Variants in AFF3 observed in about 807,000 individuals in gnomAD.
AFF3 encodes the protein AF4/FMR2 family member 3.
AFF3 carries 32 observed loss-of-function variants against 129.7 expected under a neutral mutation model. The observed-to-expected ratio is 0.25, with a 90% CI of 0.19 to 0.33. The LOEUF is 0.33. Ranked by LOEUF, AFF3 falls within the 10% of genes least tolerant of loss-of-function variation. The pLI, the probability that AFF3 is intolerant of heterozygous loss-of-function variation, is 1.00. For synonymous variants in AFF3, 644 were observed against 635.4 expected (o/e 1.01, Z -0.20); for missense variants, 1,373 against 1,592.0 (o/e 0.86, Z 2.34).
At chr2:99,975,272 A>G (rs1197722474) in intron 7 of AFF3, among the ~76,000 whole-genome samples, 1 of 152,184 alleles carries the variant, frequency 6.6e-6, no homozygotes, top group Non-Finnish European at 1.5e-5. Context: ...TTTTAACCCT[A>G]ATGAATTGGG....
chr2:99,791,952 G>A (rs1461992988), intron 8 of AFF3, among the ~76,000 whole-genome samples: 1 of 151,840 alleles, frequency 6.6e-6, no homozygotes, highest in African/African-American at 2.4e-5. Flanking sequence ...CATCAGATAT[G>A]CTTCATTTGG....
intron 7 of AFF3, among the ~76,000 whole-genome samples, chr2:99,868,664 C>T (rs549459904): frequency 7.2e-5 from 11 of 152,136 alleles, no homozygotes; most frequent in African/African-American, 2.2e-4. Flanking sequence ...CATCTATGAT[C>T]CTCTGAACAA....
intron 7 of AFF3, among the ~76,000 whole-genome samples, chr2:100,004,448 TA>T (rs1267895339): frequency 6.6e-6 from 1 of 152,196 alleles, no homozygotes; most frequent in Non-Finnish European, 1.5e-5. Context: ...TTGTGAATTT[TA>T]TTTTTTTATT....
intron 7 of AFF3, among the ~76,000 whole-genome samples, chr2:99,926,166 T>C (rs1696223514): frequency 6.6e-6 from 1 of 152,308 alleles, no homozygotes; most frequent in East Asian, 1.9e-4. Context: ...CATAAACCAA[T>C]GAGTACGATA....
At chr2:100,017,786 T>C (rs1203447229) in intron 4 of AFF3, among the ~76,000 whole-genome samples, 1 of 152,196 alleles carries the variant, frequency 6.6e-6, no homozygotes. Context: ...CCAAGTCCCA[T>C]AACCAGTAAG....
chr2:100,111,826 GTCTC>G (rs1021278355), intron 2 of AFF3, among the ~76,000 whole-genome samples: 3 of 152,210 alleles, frequency 2.0e-5, no homozygotes, highest in African/African-American at 7.2e-5. Context: ...AAGCCATCAA[GTCTC>G]TCTCTAGCTA....
At chr2:99,635,921 C>CA (rs1461358733) in intron 13 of AFF3, among the ~76,000 whole-genome samples, 1 of 152,196 alleles carries the variant, frequency 6.6e-6, no homozygotes, top group Non-Finnish European at 1.5e-5. Context: ...ATACGCCCCC[C>CA]ACATCTGCCA....
At chr2:99,690,607 C>T (rs1242966548) in intron 11 of AFF3, among the ~76,000 whole-genome samples, 1 of 152,050 alleles carries the variant, frequency 6.6e-6, no homozygotes, top group East Asian at 1.9e-4. Context: ...CTGAGAATCC[C>T]ACGGCTTCGA....
intron 7 of AFF3, among the ~76,000 whole-genome samples, chr2:100,001,999 T>C (rs901849196): frequency 6.6e-6 from 1 of 152,202 alleles, no homozygotes; most frequent in African/African-American, 2.4e-5. Context: ...GCTGTTGCTA[T>C]GCCACGCTGT....
At chr2:100,093,113 T>C (rs895688922) in intron 4 of AFF3, among the ~76,000 whole-genome samples, 1 of 152,180 alleles carries the variant, frequency 6.6e-6, no homozygotes. Flanking sequence ...ACATTACCTT[T>C]TTTTTCTTTC....
At chr2:99,804,670 T>C (rs1036642827) in intron 8 of AFF3, among the ~76,000 whole-genome samples, 2 of 152,150 alleles carry the variant, frequency 1.3e-5, no homozygotes, top group Non-Finnish European at 2.9e-5. Flanking sequence ...ATTGCAAATA[T>C]ATGGAACCAA....
intron 4 of AFF3, among the ~76,000 whole-genome samples, chr2:100,067,462 G>A (rs1162201350): frequency 6.6e-6 from 1 of 152,186 alleles, no homozygotes; most frequent in African/African-American, 2.4e-5. Context: ...TGAGTGATCA[G>A]TCTGTTCCCT....
At chr2:100,107,796 A>G (rs952765387) in intron 2 of AFF3, among the ~76,000 whole-genome samples, 1 of 152,192 alleles carries the variant, frequency 6.6e-6, no homozygotes, top group African/African-American at 2.4e-5. Context: ...AGCCTCCTAA[A>G]TAAATCCAGA....
intron 19 of AFF3, among the ~76,000 whole-genome samples, chr2:99,567,878 C>G (rs1270355364): frequency 6.6e-6 from 1 of 152,216 alleles, no homozygotes. Context: ...ATCTGATGCT[C>G]TTCTCCAAGA....
chr2:99,733,305 G>A (rs1392547969), intron 10 of AFF3, among the ~76,000 whole-genome samples: 2 of 151,644 alleles, frequency 1.3e-5, no homozygotes, highest in East Asian at 1.9e-4. Context: ...GCTTGAACCT[G>A]GGAGGTGGAG....
chr2:99,936,040 C>T (rs1443993216), intron 7 of AFF3, among the ~76,000 whole-genome samples: 8 of 149,500 alleles, frequency 5.4e-5, no homozygotes, highest in Non-Finnish European at 1.0e-4. Context: ...TAAATTCAAA[C>T]ATAAATCTTT....
At chr2:99,943,971 C>G (rs534795235) in intron 7 of AFF3, among the ~76,000 whole-genome samples, 1 of 152,046 alleles carries the variant, frequency 6.6e-6, no homozygotes, top group African/African-American at 2.4e-5. Context: ...AGCACCACCA[C>G]GGCTCACAGC....
intron 4 of AFF3, among the ~76,000 whole-genome samples, chr2:100,010,473 T>C (rs1032319728): frequency 1.3e-5 from 2 of 152,190 alleles, no homozygotes; most frequent in Non-Finnish European, 2.9e-5. Flanking sequence ...AGGCATTTAA[T>C]TTAAATTTAA....
chr2:99,580,972 A>G (rs1677482647), intron 17 of AFF3, among the ~76,000 whole-genome samples: 1 of 152,202 alleles, frequency 6.6e-6, no homozygotes, highest in African/African-American at 2.4e-5. Flanking sequence ...TTGTTATAAG[A>G]GCTCCTAGTT....
Sources: allele counts gnomAD v4.1 joint callset (sites outside exome capture counted in the v4.1 genomes callset), GRCh38; gene constraint gnomAD v4.1.1; transcripts MANE v1.5; gene names NCBI Gene and HGNC (gene_info 2026-07-23, HGNC 2026-07-21).